Variants in ANO6 observed in about 807,000 individuals in gnomAD.
ANO6 encodes the protein anoctamin-6.
ANO6 carries 106 observed loss-of-function variants against 117.5 expected under a neutral mutation model. That is an observed-to-expected ratio of 0.90 (90% CI 0.77 to 1.06). ANO6 has a LOEUF of 1.06. Among genes scored for constraint, ANO6 ranks in the 50% least tolerant of loss-of-function variants. The probability of loss-of-function intolerance (pLI) is 0.00; values close to 1 mark genes in which losing one functional copy is unlikely to be tolerated. For missense variants in ANO6, 955 were observed against 1,121.1 expected (o/e 0.85, Z 2.12); for synonymous variants, 367 against 385.1 (o/e 0.95, Z 0.55).
chr12:45,279,092 C>G lies in ANO6; in HGVS notation c.71-22922C>G, dbSNP rs968637081. Among the ~76,000 whole-genome samples, 5 of 152,304 alleles carry G rather than the reference C, an allele frequency of 3.3e-5. No individual in the cohort carries two copies. In the East Asian group the frequency reaches 9.6e-4, roughly 29 times the overall value. ...TCTGAAGAGCCTCTGTTCACTCTTTCCAGAGAATACCTTTCAAGTCTTTTC... is the reference window on the plus strand; with the variant it reads ...TCTGAAGAGCCTCTGTTCACTCTTTGCAGAGAATACCTTTCAAGTCTTTTC... On this transcript the variant is annotated intron_variant, in intron 1 of 19. Coordinates refer to ENST00000320560, the MANE Select transcript of ANO6 (RefSeq NM_001025356.3).
intron 2 of ANO6, among the ~76,000 whole-genome samples, chr12:45,330,274 GAAGAA>G (rs1381960518): frequency 6.6e-6 from 1 of 152,122 alleles, no homozygotes; most frequent in Non-Finnish European, 1.5e-5. Flanking sequence ...TCAAAAGTGA[GAAGAA>G]AAGGAGAAAG....
intron 9 of ANO6, among the ~76,000 whole-genome samples, chr12:45,368,310 G>A (rs568136365): frequency 1.3e-5 from 2 of 152,248 alleles, no homozygotes; most frequent in South Asian, 4.1e-4. Context: ...TACTCAACCT[G>A]TGTAAGTATT....
At chr12:45,229,846 T>A (rs984082492) in intron 1 of ANO6, among the ~76,000 whole-genome samples, 1 of 152,030 alleles carries the variant, frequency 6.6e-6, no homozygotes, top group Non-Finnish European at 1.5e-5. Flanking sequence ...CATGTGACCC[T>A]GAATGATTAA....
Position 45,216,409 on chromosome 12 carries a change from G to A in ANO6, c.70+18G>A. On this transcript the variant is annotated intron_variant, in intron 1 of 19. Transcript: ENST00000320560. ...GGATATCGGTGAGCGAGGGGTCCCCGCGTCCCCACCCGAGAGCCCGAGCCG... is the reference window on the plus strand; with the variant it reads ...GGATATCGGTGAGCGAGGGGTCCCCACGTCCCCACCCGAGAGCCCGAGCCG... 6.2e-7 allele frequency: 1 copy of A among 1,607,626 alleles called. No individual in the cohort carries two copies.
At chr12:45,420,363 A>G (rs145017490) in intron 17 of ANO6, among the ~76,000 whole-genome samples, 191 of 152,256 alleles carry the variant, frequency 1.3e-3, no homozygotes, top group Admixed American at 3.1e-3. Context: ...GCTCGTACCT[A>G]TAATCCCAGC....
At chr12:45,281,792 T>A (rs191813171) in intron 1 of ANO6, among the ~76,000 whole-genome samples, 36 of 152,362 alleles carry the variant, frequency 2.4e-4, no homozygotes, top group Non-Finnish European at 5.9e-5. Context: ...GAAAGTGGTT[T>A]CCTAATGGGA....
intron 1 of ANO6, among the ~76,000 whole-genome samples, chr12:45,272,098 C>T (rs745425635): frequency 2.0e-5 from 3 of 151,644 alleles, no homozygotes; most frequent in Non-Finnish European, 4.4e-5. Flanking sequence ...AAATATAAAA[C>T]GTTTTTATAT....
intron 2 of ANO6, among the ~76,000 whole-genome samples, chr12:45,311,813 A>T (rs1939859392): frequency 6.6e-6 from 1 of 152,076 alleles, no homozygotes; most frequent in African/African-American, 2.4e-5. Context: ...TTTCTAATTG[A>T]TTAACTTGGT....
chr12:45,384,008 G>A (rs1942234144), intron 10 of ANO6, among the ~76,000 whole-genome samples: 1 of 152,228 alleles, frequency 6.6e-6, no homozygotes, highest in South Asian at 2.1e-4. Flanking sequence ...TACCTTGAAA[G>A]TCTGTTGTGT....
chr12:45,271,146 T>G (rs1273873681), intron 1 of ANO6, among the ~76,000 whole-genome samples: 1 of 152,178 alleles, frequency 6.6e-6, no homozygotes, highest in Non-Finnish European at 1.5e-5. Flanking sequence ...GCAAGGATAT[T>G]TTGATGACAA....
chr12:45,365,501 C>T (rs530079190), intron 8 of ANO6, among the ~76,000 whole-genome samples: 6 of 152,196 alleles, frequency 3.9e-5, no homozygotes, highest in Non-Finnish European at 7.3e-5. Flanking sequence ...ACAGTATGAG[C>T]TCTGAGTATG....
intron 3 of ANO6, among the ~76,000 whole-genome samples, chr12:45,346,795 G>A (rs543265072): frequency 1.6e-3 from 246 of 152,234 alleles, no homozygotes; most frequent in African/African-American, 5.4e-3. Context: ...GGGTGCCAGG[G>A]CATCGAAGTA....
At chr12:45,380,331 G>T (rs954211555) in intron 10 of ANO6, among the ~76,000 whole-genome samples, 2 of 152,164 alleles carry the variant, frequency 1.3e-5, no homozygotes, top group African/African-American at 4.8e-5. Context: ...AGACTTGGCT[G>T]CATGACTGCA....
chr12:45,403,170 T>C lies in ANO6; in HGVS notation c.1711T>C (p.Phe571Leu). The C allele has an allele frequency of 1.2e-6, 2 of 1,614,084 alleles. No homozygotes were observed. The highest frequency in any genetic ancestry group is 1.7e-6 in the Non-Finnish European group (2 of 1,179,942). Residue 571 changes from phenylalanine to leucine, a missense_variant, in exon 14 of 20, where the codon TTC (phenylalanine) becomes CTC (leucine). Coordinates refer to ENST00000320560, the MANE Select transcript of ANO6 (RefSeq NM_001025356.3). ...CTACTCTTCATGCTTCTACATAGCA[T>C]TCTTTAAGGGCAAATTTGTAGGCTA... ...NYYSSCFYIA[F>L]FKGKFVGYPG... is the part of the protein sequence containing the mutation.
intron 16 of ANO6, among the ~76,000 whole-genome samples, 165 bp downstream of exon 16, chr12:45,409,652 T>C (rs1158776112): frequency 5.3e-5 from 8 of 152,220 alleles, no homozygotes; most frequent in Admixed American, 2.0e-4. Context: ...TCAGATAAGG[T>C]GGTCATGTAT....
chr12:45,385,844 T>C (rs1393827090), intron 10 of ANO6, among the ~76,000 whole-genome samples: 1 of 152,200 alleles, frequency 6.6e-6, no homozygotes, highest in Non-Finnish European at 1.5e-5. Flanking sequence ...GGAAAAGTAG[T>C]AGTCAAAACA....
At chr12:45,314,521 A>G (rs1022953527) in intron 2 of ANO6, among the ~76,000 whole-genome samples, 4 of 151,058 alleles carry the variant, frequency 2.6e-5, no homozygotes, top group African/African-American at 7.3e-5. Context: ...ATATGTGTAT[A>G]TATCTACCAA....
chr12:45,236,591 G>A (rs1190536682), intron 1 of ANO6, among the ~76,000 whole-genome samples: 5 of 152,184 alleles, frequency 3.3e-5, no homozygotes, highest in African/African-American at 4.8e-5. Flanking sequence ...GTATTCCACG[G>A]TGTATATGTG....
intron 1 of ANO6, among the ~76,000 whole-genome samples, chr12:45,282,924 C>G (rs1029955946): frequency 1.3e-5 from 2 of 152,158 alleles, no homozygotes; most frequent in South Asian, 4.1e-4. Flanking sequence ...TGCTCGCTCT[C>G]TCATACACAC....
Sources: gnomAD v4.1 joint callset for allele counts (sites outside exome capture counted in the v4.1 genomes callset) on GRCh38, gnomAD v4.1.1 for gene constraint, MANE v1.5 for transcripts, NCBI Gene and HGNC (gene_info 2026-07-23, HGNC 2026-07-21) for gene names.